The following WDFY4 variants were observed in gnomAD, a reference collection of about 807,000 sequenced individuals.
WDFY4 encodes WDFY family member 4, also known as WD repeat- and FYVE domain-containing protein 4.
In WDFY4, 169 loss-of-function variants were observed where a neutral mutation model predicts 351.9. The ratio of observed to expected loss-of-function variants is 0.48; its 90% confidence interval spans 0.42 to 0.55. The LOEUF is 0.55. Among genes scored for constraint, WDFY4 ranks in the 20% least tolerant of loss-of-function variants. WDFY4 has a pLI of 0.00. For missense variants in WDFY4, 3,803 were observed against 3,935.6 expected (o/e 0.97, Z 0.90); for synonymous variants, 1,622 against 1,574.6 (o/e 1.03, Z -0.71).
intron 40 of WDFY4, among the ~76,000 whole-genome samples, chr10:48,871,220 C>A (rs2069766250): frequency 6.6e-6 from 1 of 152,188 alleles, no homozygotes; most frequent in African/African-American, 2.4e-5. Context: ...CAGGCATGAG[C>A]CACTGTGCCT....
At chr10:48,702,608 T>C (rs1186621868) in intron 1 of WDFY4, among the ~76,000 whole-genome samples, 1 of 152,146 alleles carries the variant, frequency 6.6e-6, no homozygotes, top group African/African-American at 2.4e-5. Context: ...TATGGATGGA[T>C]GATGGACCTG....
intron 39 of WDFY4, among the ~76,000 whole-genome samples, chr10:48,853,223 G>A (rs576207074): frequency 2.4e-4 from 36 of 152,030 alleles, no homozygotes; most frequent in African/African-American, 6.8e-4. Flanking sequence ...AGTCTCTGTC[G>A]CCTGGTTGCT....
intron 15 of WDFY4, among the ~76,000 whole-genome samples, chr10:48,776,289 A>G (rs1377451436): frequency 5.3e-5 from 8 of 152,144 alleles, no homozygotes; most frequent in Admixed American, 5.2e-4. Flanking sequence ...ATCACATAAG[A>G]CCTCAAGGAA....
At chr10:48,846,841 G>A (rs143974881) in intron 39 of WDFY4, among the ~76,000 whole-genome samples, 71 of 152,308 alleles carry the variant, frequency 4.7e-4, no homozygotes, top group African/African-American at 1.7e-3. Flanking sequence ...TGCTGCCAAC[G>A]GCTCTACTCT....
chr10:48,963,613 T>C (rs948982262), intron 53 of WDFY4, among the ~76,000 whole-genome samples: 22 of 151,994 alleles, frequency 1.4e-4, no homozygotes, highest in Non-Finnish European at 2.5e-4. Flanking sequence ...TGAGCTGGGG[T>C]GGTGAAAACA....
chr10:48,820,085 C>G, intron 32 of WDFY4, 149 bp from the exon 33 acceptor site: 3 of 813,678 alleles, frequency 3.7e-6, no homozygotes, highest in Non-Finnish European at 5.9e-6. Flanking sequence ...GCAGCTGGAT[C>G]CTGGGCAAGT....
At chr10:48,729,107 C>T (rs1249481514) in intron 7 of WDFY4, among the ~76,000 whole-genome samples, 3 of 152,266 alleles carry the variant, frequency 2.0e-5, no homozygotes, top group African/African-American at 4.8e-5. Flanking sequence ...TATTATATTA[C>T]ATCTCTCCTT....
intron 12 of WDFY4, chr10:48,746,237 A>G (rs976394337): frequency 2.6e-5 from 4 of 152,254 alleles, no homozygotes; most frequent in African/African-American, 9.6e-5. Flanking sequence ...TTTCCCTTAC[A>G]TATATTTGAG....
intron 39 of WDFY4, among the ~76,000 whole-genome samples, chr10:48,844,896 A>G (rs1031241146): frequency 1.1e-4 from 17 of 152,194 alleles, no homozygotes; most frequent in Non-Finnish European, 8.8e-5. Context: ...TAGGTACATA[A>G]AGAAATCTGA....
At chr10:48,833,629 G>A (rs1270432535) in intron 39 of WDFY4, among the ~76,000 whole-genome samples, 2 of 152,214 alleles carry the variant, frequency 1.3e-5, no homozygotes, top group African/African-American at 2.4e-5. Flanking sequence ...AAATGTTGCT[G>A]AGGCTCTTTT....
chr10:48,798,422 A>G (rs1397107840), intron 24 of WDFY4, among the ~76,000 whole-genome samples: 2 of 152,212 alleles, frequency 1.3e-5, no homozygotes, highest in African/African-American at 4.8e-5. Context: ...GAAGCCACAA[A>G]TAAATAATAT....
rs926351386 is a variant in WDFY4, at chr10:48,909,998, A to T, written c.7586+8135A>T. The T allele has an allele frequency of 5.6e-6, 3 of 538,138 alleles. No homozygotes were observed. The African/African-American group carries it at 5.7e-5, about 10-fold the overall frequency. The allele number at this position is 538,138 out of a possible 1,614,324, so 33.3% of individuals were successfully genotyped here. A position where few individuals can be genotyped will look rare whatever the true frequency, so the allele number is the denominator to read the frequency against. ...CTGTAATTTTCTTAAATTTTTTTCTATATACATTTTAAAAACCACATCAAA... is the reference window on the plus strand; with the variant it reads ...CTGTAATTTTCTTAAATTTTTTTCTTTATACATTTTAAAAACCACATCAAA... On this transcript the variant is annotated intron_variant, in intron 47 of 61. Transcript: ENST00000325239.
At chr10:48,830,986 C>T in intron 38 of WDFY4, 101 bp downstream of exon 38, 6 of 1,165,612 alleles carry the variant, frequency 5.1e-6, no homozygotes, top group Non-Finnish European at 7.2e-6. Context: ...TCCACCTGGA[C>T]CCTCTGTCTC....
At chr10:48,817,813 A>G (rs2067674722) in intron 32 of WDFY4, among the ~76,000 whole-genome samples, 1 of 152,220 alleles carries the variant, frequency 6.6e-6, no homozygotes, top group East Asian at 1.9e-4. Context: ...ACCCTCATCC[A>G]ACTTGCAGGC....
At chr10:48,852,475 G>A (rs1027243781) in intron 39 of WDFY4, among the ~76,000 whole-genome samples, 1 of 152,194 alleles carries the variant, frequency 6.6e-6, no homozygotes, top group African/African-American at 2.4e-5. Context: ...AACAGACCAA[G>A]GGATGATACA....
chr10:48,845,008 G>A (rs1367551457), intron 39 of WDFY4, among the ~76,000 whole-genome samples: 3 of 152,208 alleles, frequency 2.0e-5, no homozygotes, highest in Non-Finnish European at 4.4e-5. Flanking sequence ...TGAAGGAGCG[G>A]CCCTCCAACA....
In WDFY4 at chr10:48,808,104, C is replaced by G. The variant is rs925388020; in HGVS notation, c.4838+146C>G. On this transcript the variant is annotated intron_variant, in intron 28 of 61. Transcript: ENST00000325239. ...CACTAGTCAGAAAGAAAATTATATT[C>G]TCTCTACCCAATGAACCAGACCTTG... 4 of 641,752 alleles carry G rather than the reference C, an allele frequency of 6.2e-6. No individual in the cohort carries two copies. The African/African-American group carries it at 7.6e-5, about 12-fold the overall frequency. The allele number at this position is 641,752 out of a possible 1,614,324, so 39.8% of individuals were successfully genotyped here.
chr10:48,913,261 G>A, intron 47 of WDFY4: 1 of 813,184 alleles, frequency 1.2e-6, no homozygotes, highest in Non-Finnish European at 2.0e-6. Flanking sequence ...GTAAGGAAAG[G>A]AGTTTTATGG....
intron 31 of WDFY4, among the ~76,000 whole-genome samples, chr10:48,815,851 G>A (rs2067602425): frequency 6.6e-6 from 1 of 151,270 alleles, no homozygotes; most frequent in African/African-American, 2.4e-5. Flanking sequence ...TTTTCTTTAT[G>A]ATTTCATGCA....
Sources: gnomAD v4.1 joint callset for allele counts (sites outside exome capture counted in the v4.1 genomes callset) on GRCh38, gnomAD v4.1.1 for gene constraint, MANE v1.5 for transcripts, NCBI Gene and HGNC (gene_info 2026-07-23, HGNC 2026-07-21) for gene names.